Variants in MACROD2 observed in about 807,000 individuals in gnomAD.
MACROD2 encodes mono-ADP ribosylhydrolase 2.
Under a neutral mutation model 70.4 loss-of-function variants are expected in MACROD2, and 36 were observed. The ratio of observed to expected loss-of-function variants is 0.51; its 90% CI spans 0.39 to 0.68. The LOEUF (loss-of-function observed/expected upper bound fraction) is 0.68, where lower values mean the gene tolerates loss of function less well. Among genes scored for constraint, MACROD2 ranks in the 30% least tolerant of loss-of-function variants. MACROD2 has a pLI of 0.00. For synonymous variants in MACROD2, 172 were observed against 178.8 expected (o/e 0.96, Z 0.30); for missense variants, 496 against 538.4 (o/e 0.92, Z 0.78).
At chr20:14,587,504 C>T (rs991859198) in intron 4 of MACROD2, among the ~76,000 whole-genome samples, 3 of 151,588 alleles carry the variant, frequency 2.0e-5, no homozygotes, top group African/African-American at 4.8e-5. Context: ...TTTGACATTT[C>T]GTCATTAAAA....
chr20:15,236,874 G>A (rs2077018040), intron 6 of MACROD2, among the ~76,000 whole-genome samples: 1 of 152,106 alleles, frequency 6.6e-6, no homozygotes, highest in Non-Finnish European at 1.5e-5. Flanking sequence ...TAAATCTAGT[G>A]GCCTAAGCCA....
At chr20:14,332,759 T>C (rs1009295688) in intron 3 of MACROD2, among the ~76,000 whole-genome samples, 2 of 152,084 alleles carry the variant, frequency 1.3e-5, no homozygotes, top group African/African-American at 4.8e-5. Context: ...AGAAAACACA[T>C]GCCTAAACAA....
chr20:14,587,285 T>G (rs151248781), intron 4 of MACROD2, among the ~76,000 whole-genome samples: 1 of 151,944 alleles, frequency 6.6e-6, no homozygotes, highest in Non-Finnish European at 1.5e-5. Flanking sequence ...CTTTGAATTC[T>G]TTTTGGTTAT....
intron 5 of MACROD2, among the ~76,000 whole-genome samples, chr20:15,176,438 A>T (rs2076462586): frequency 6.6e-6 from 1 of 152,076 alleles, no homozygotes; most frequent in Admixed American, 6.6e-5. Flanking sequence ...ACTAATCAGC[A>T]TGCACTTCCT....
intron 3 of MACROD2, among the ~76,000 whole-genome samples, chr20:14,461,537 A>G (rs1600261266): frequency 6.6e-6 from 1 of 151,426 alleles, no homozygotes; most frequent in Non-Finnish European, 1.5e-5. Flanking sequence ...TTTAGGATAC[A>G]TGTCCACAAC....
rs898212128 is a variant in MACROD2, at chr20:15,419,538, C to T, written c.541-11867C>T. Among the ~76,000 whole-genome samples the T allele has an allele frequency of 3.3e-5, 5 of 152,222 alleles. No individual in the cohort carries two copies. In the East Asian group the frequency reaches 9.6e-4, roughly 29 times the overall value. Reference sequence around the variant, plus strand: ...TGTTCTTGTTCCCGATTCCTGTGTGCAAGAGGCTTCTTCTTGTCATTTAAA... The same window carrying T: ...TGTTCTTGTTCCCGATTCCTGTGTGTAAGAGGCTTCTTCTTGTCATTTAAA... On this transcript the variant is annotated intron_variant, in intron 6 of 17. Transcript: ENST00000684519.
chr20:15,785,131 G>T (rs1363747158), intron 8 of MACROD2, among the ~76,000 whole-genome samples: 3 of 140,400 alleles, frequency 2.1e-5, no homozygotes, highest in Non-Finnish European at 4.5e-5. Flanking sequence ...CAGCCTGGGT[G>T]ACAGAGCGAG....
chr20:14,970,696 G>T (rs532494859), intron 5 of MACROD2, among the ~76,000 whole-genome samples: 1 of 152,146 alleles, frequency 6.6e-6, no homozygotes, highest in East Asian at 1.9e-4. Context: ...TGTTACCCAG[G>T]ATGGAGTGCT....
chr20:15,487,591 T>C (rs749781897), intron 7 of MACROD2, among the ~76,000 whole-genome samples: 6 of 152,180 alleles, frequency 3.9e-5, no homozygotes, highest in Admixed American at 2.6e-4. Context: ...TCTTGCCCAC[T>C]GGACCACCCT....
At chr20:15,658,225 CT>C (rs11296773) in intron 8 of MACROD2, among the ~76,000 whole-genome samples, 40,340 of 140,768 alleles carry the variant, frequency 0.29, 7,297 homozygotes, top group African/African-American at 0.52. Context: ...CTCTCTCTCT[CT>C]TTTTTTTTTT....
chr20:15,679,679 A>G (rs550652823), intron 8 of MACROD2, among the ~76,000 whole-genome samples: 1 of 152,316 alleles, frequency 6.6e-6, no homozygotes, highest in East Asian at 1.9e-4. Flanking sequence ...AAGACCACAC[A>G]GAGGGACCAT....
intron 2 of MACROD2, among the ~76,000 whole-genome samples, chr20:14,078,330 C>T (rs1569148919): frequency 2.0e-5 from 3 of 152,158 alleles, no homozygotes; most frequent in Admixed American, 6.6e-5. Context: ...TCATAGTTAT[C>T]GAGGATCCTG....
chr20:14,619,420 GGGAA>G (rs200323355), intron 4 of MACROD2, among the ~76,000 whole-genome samples: 19 of 4,266 alleles, frequency 4.5e-3, no homozygotes, highest in African/African-American at 0.013. Context: ...GAGGAAAGGA[GGGAA>G]GGAAGGAAGG....
chr20:15,501,690 C>A (rs984746571), intron 8 of MACROD2, among the ~76,000 whole-genome samples: 7 of 152,056 alleles, frequency 4.6e-5, no homozygotes, highest in African/African-American at 1.7e-4. Flanking sequence ...TAAACATATC[C>A]TGTACTGATT....
chr20:14,320,782 A>G (rs1176746652), intron 3 of MACROD2, among the ~76,000 whole-genome samples: 1 of 151,028 alleles, frequency 6.6e-6, no homozygotes, highest in Non-Finnish European at 1.5e-5. Flanking sequence ...CTTAATAAAA[A>G]CCTCCCTCAG....
At chr20:14,851,643 A>G (rs1477967365) in intron 5 of MACROD2, among the ~76,000 whole-genome samples, 1 of 152,212 alleles carries the variant, frequency 6.6e-6, no homozygotes, top group Non-Finnish European at 1.5e-5. Context: ...CCCTTAATTA[A>G]GTTGGCATGA....
At chr20:14,560,288 A>G (rs975055666) in intron 4 of MACROD2, among the ~76,000 whole-genome samples, 2 of 143,450 alleles carry the variant, frequency 1.4e-5, no homozygotes, top group Admixed American at 1.4e-4. Context: ...TTTCTTGGGA[A>G]TGAATGACTG....
chr20:15,786,343 A>G (rs1341923613), intron 8 of MACROD2, among the ~76,000 whole-genome samples: 3 of 152,176 alleles, frequency 2.0e-5, no homozygotes, highest in African/African-American at 7.2e-5. Flanking sequence ...TTTGTAAGAA[A>G]AAAAAGTGTG....
chr20:14,559,745 A>C (rs970683131), intron 4 of MACROD2, among the ~76,000 whole-genome samples: 4 of 151,674 alleles, frequency 2.6e-5, no homozygotes, highest in Admixed American at 1.3e-4. Context: ...TTTACAATAG[A>C]CTCTCCATTC....
Sources: allele counts gnomAD v4.1 joint callset (sites outside exome capture counted in the v4.1 genomes callset), GRCh38; gene constraint gnomAD v4.1.1; transcripts MANE v1.5; gene names NCBI Gene and HGNC (gene_info 2026-07-23, HGNC 2026-07-21).